Variants in GRM5 observed in about 807,000 individuals in gnomAD.
The protein encoded by GRM5 is metabotropic glutamate receptor 5.
GRM5 carries 19 observed loss-of-function variants against 83.1 expected under a neutral mutation model. The observed-to-expected ratio is 0.23, with a 90% CI of 0.16 to 0.34. GRM5 has a LOEUF of 0.34. Ranked by LOEUF, GRM5 falls within the 10% of genes least tolerant of loss-of-function variation. The probability of loss-of-function intolerance (pLI) is 1.00; values close to 1 mark genes in which losing one functional copy is unlikely to be tolerated. For missense variants in GRM5, 1,160 were observed against 1,588.3 expected (o/e 0.73, Z 4.58); for synonymous variants, 675 against 633.6 (o/e 1.07, Z -0.98).
At chr11:88,675,539 T>C (rs1940305740) in intron 3 of GRM5, among the ~76,000 whole-genome samples, 1 of 151,964 alleles carries the variant, frequency 6.6e-6, no homozygotes, top group Admixed American at 6.6e-5. Context: ...TAACAAAATT[T>C]TGATATAGAA....
intron 3 of GRM5, among the ~76,000 whole-genome samples, chr11:88,802,052 C>T (rs1234028700): frequency 6.6e-6 from 1 of 152,068 alleles, no homozygotes; most frequent in Non-Finnish European, 1.5e-5. Context: ...TAGAATATCT[C>T]TTTTAAGTTT....
At chr11:88,766,976 A>C (rs7108560) in intron 3 of GRM5, among the ~76,000 whole-genome samples, 17,253 of 151,976 alleles carry the variant, frequency 0.11, 2,153 homozygotes, top group African/African-American at 0.31. Flanking sequence ...CGTTAGAAAA[A>C]TGCAAATAAA....
At position 88,987,683 on chromosome 11, in the gene GRM5, C is replaced by T. The variant is rs566887648; in HGVS notation, c.661+59529G>A. Among the ~76,000 whole-genome samples, 795 of 152,204 alleles carry T rather than the reference C, an allele frequency of 5.2e-3. 4 individuals carry two copies. Among genetic ancestry groups the T allele is most frequent in the African/African-American group, 0.019 (773 of 41,462 alleles). On this transcript the variant is annotated intron_variant, in intron 2 of 9. Coordinates refer to ENST00000305447, the MANE Select transcript of GRM5 (RefSeq NM_001143831.3). ...GATCTGAGAATGGGCAGACTGCCTC[C>T]TCAAGTGGATCCCTGACCCCTGACC...
intron 4 of GRM5, among the ~76,000 whole-genome samples, chr11:88,651,469 A>G (rs565871326): frequency 6.6e-6 from 1 of 152,184 alleles, no homozygotes; most frequent in East Asian, 1.9e-4. Context: ...CAAACATAGA[A>G]TAGACCACAG....
At chr11:88,564,585 C>T (rs933980099) in intron 8 of GRM5, among the ~76,000 whole-genome samples, 2 of 151,996 alleles carry the variant, frequency 1.3e-5, no homozygotes, top group Non-Finnish European at 2.9e-5. Context: ...GTTAATAGTA[C>T]AACTAGGGAG....
chr11:88,909,060 T>C (rs890228482), intron 2 of GRM5, among the ~76,000 whole-genome samples: 5 of 152,126 alleles, frequency 3.3e-5, no homozygotes, highest in Non-Finnish European at 4.4e-5. Context: ...AATTTATATA[T>C]TGTACTTGAA....
At chr11:88,864,989 A>G (rs1470195456) in intron 2 of GRM5, among the ~76,000 whole-genome samples, 1 of 152,030 alleles carries the variant, frequency 6.6e-6, no homozygotes, top group Non-Finnish European at 1.5e-5. Context: ...CATATGTTGA[A>G]CCAGCCTTAC....
chr11:88,847,692 T>G (rs1395893612), intron 3 of GRM5, among the ~76,000 whole-genome samples: 9 of 152,020 alleles, frequency 5.9e-5, no homozygotes, highest in Non-Finnish European at 8.8e-5. Flanking sequence ...TGAAATGAAC[T>G]GATGTTCAAG....
intron 3 of GRM5, among the ~76,000 whole-genome samples, chr11:88,813,432 G>C (rs1359798204): frequency 6.6e-6 from 1 of 152,090 alleles, no homozygotes. Context: ...GCCTGAGTGT[G>C]ACTTATTCTA....
intron 2 of GRM5, among the ~76,000 whole-genome samples, chr11:88,912,685 T>G (rs542700451): frequency 5.9e-5 from 9 of 152,232 alleles, no homozygotes; most frequent in African/African-American, 2.2e-4. Flanking sequence ...TCCTTGTTAA[T>G]GTTCAATCTT....
intron 2 of GRM5, chr11:88,984,953 T>C: frequency 1.7e-6 from 1 of 590,636 alleles, no homozygotes; most frequent in Admixed American, 3.0e-5. Context: ...GACTCACTTT[T>C]TTTCTAATCA....
chr11:88,906,786 G>T (rs1049411637), intron 2 of GRM5, among the ~76,000 whole-genome samples: 3 of 152,074 alleles, frequency 2.0e-5, no homozygotes, highest in African/African-American at 7.2e-5. Context: ...TAAAAATTGA[G>T]TAAATAATGG....
intron 3 of GRM5, among the ~76,000 whole-genome samples, chr11:88,782,114 AT>A (rs772727554): frequency 4.6e-5 from 7 of 152,102 alleles, no homozygotes; most frequent in Admixed American, 6.6e-5. Context: ...ATTAAATCTA[AT>A]TTTTTTACAA....
intron 3 of GRM5, among the ~76,000 whole-genome samples, chr11:88,740,525 G>T (rs377402874): frequency 2.6e-5 from 4 of 151,964 alleles, no homozygotes; most frequent in African/African-American, 9.7e-5. Flanking sequence ...ATAAGAAGTT[G>T]GTAGTGTTAC....
intron 2 of GRM5, among the ~76,000 whole-genome samples, chr11:89,035,148 A>G (rs2135130800): frequency 6.6e-6 from 1 of 151,838 alleles, no homozygotes; most frequent in East Asian, 1.9e-4. Flanking sequence ...AGAGAGTATA[A>G]TATTTCTGTC....
intron 2 of GRM5, among the ~76,000 whole-genome samples, chr11:88,878,278 T>C (rs1362668353): frequency 1.3e-5 from 2 of 152,144 alleles, no homozygotes; most frequent in Non-Finnish European, 2.9e-5. Flanking sequence ...TGCATTTTGG[T>C]ATTGCAGTTA....
chr11:88,875,743 C>A (rs1353445332), intron 2 of GRM5, among the ~76,000 whole-genome samples: 1 of 152,016 alleles, frequency 6.6e-6, no homozygotes, highest in Non-Finnish European at 1.5e-5. Flanking sequence ...ACATTAATCT[C>A]CTTATAATTT....
intron 2 of GRM5, among the ~76,000 whole-genome samples, chr11:88,994,445 TTATATA>T (rs58154444): frequency 0.085 from 7,416 of 86,896 alleles, 232 homozygotes; most frequent in East Asian, 0.22. Flanking sequence ...CTTTAACTGA[TTATATA>T]TATATATATA....
At chr11:88,818,172 A>G (rs1012929219) in intron 3 of GRM5, among the ~76,000 whole-genome samples, 13 of 152,140 alleles carry the variant, frequency 8.5e-5, no homozygotes, top group Admixed American at 8.5e-4. Context: ...TAAAGGATCT[A>G]TGAAAGCTTG....
Sources: gnomAD v4.1 joint callset for allele counts (sites outside exome capture counted in the v4.1 genomes callset) on GRCh38, gnomAD v4.1.1 for gene constraint, MANE v1.5 for transcripts, NCBI Gene and HGNC (gene_info 2026-07-23, HGNC 2026-07-21) for gene names.